KIAA1217: variants seen among roughly 807,000 people sequenced by gnomAD.
KIAA1217 encodes the protein KIAA1217.
KIAA1217 carries 88 observed loss-of-function variants against 163.9 expected under a neutral mutation model. That is an observed-to-expected ratio of 0.54 (90% confidence interval 0.45 to 0.64). The LOEUF (loss-of-function observed/expected upper bound fraction) is 0.64, where lower values mean the gene tolerates loss of function less well. KIAA1217 is among the 30% of genes least tolerant of loss of function. The pLI is 0.00. For missense variants in KIAA1217, 2,372 were observed against 2,475.0 expected (o/e 0.96, Z 0.88); for synonymous variants, 903 against 923.1 (o/e 0.98, Z 0.39).
chr10:23,754,712 C>G (rs577522364), intron 1 of KIAA1217, among the ~76,000 whole-genome samples: 1 of 152,220 alleles, frequency 6.6e-6, no homozygotes, highest in Non-Finnish European at 1.5e-5. Context: ...CTTTGGGACC[C>G]TTGAATCCTG....
At chr10:24,098,884 T>C (rs2062274704) in intron 2 of KIAA1217, among the ~76,000 whole-genome samples, 1 of 152,086 alleles carries the variant, frequency 6.6e-6, no homozygotes, top group Admixed American at 6.5e-5. Flanking sequence ...CTTGAGAGGC[T>C]GAGACAGAAA....
chr10:23,753,648 C>T (rs183129051), intron 1 of KIAA1217, among the ~76,000 whole-genome samples: 1 of 152,234 alleles, frequency 6.6e-6, no homozygotes. Flanking sequence ...CTTCTAGTTT[C>T]TATTGAATGC....
At chr10:24,156,663 C>T (rs2064889848) in intron 2 of KIAA1217, among the ~76,000 whole-genome samples, 1 of 152,160 alleles carries the variant, frequency 6.6e-6, no homozygotes, top group Non-Finnish European at 1.5e-5. Flanking sequence ...GGCCACTATC[C>T]ACCTTCCCTA....
At chr10:24,503,087 G>T (rs937353536) in intron 9 of KIAA1217, among the ~76,000 whole-genome samples, 3 of 152,174 alleles carry the variant, frequency 2.0e-5, no homozygotes, top group South Asian at 2.1e-4. Context: ...AATCGGTTCT[G>T]CTTCTTCAGC....
intron 1 of KIAA1217, among the ~76,000 whole-genome samples, chr10:23,855,149 G>C (rs1166935117): frequency 4.6e-5 from 7 of 152,226 alleles, no homozygotes; most frequent in African/African-American, 1.4e-4. Context: ...ACAGTGGCTG[G>C]TACCGGTTGT....
At chr10:23,842,880 G>A (rs1014066450) in intron 1 of KIAA1217, among the ~76,000 whole-genome samples, 73 of 152,076 alleles carry the variant, frequency 4.8e-4, no homozygotes, top group African/African-American at 1.7e-3. Context: ...TTCTAAGTTT[G>A]AACACTGATA....
intron 2 of KIAA1217, among the ~76,000 whole-genome samples, chr10:24,266,773 A>C (rs778879307): frequency 6.6e-6 from 1 of 152,194 alleles, no homozygotes; most frequent in Non-Finnish European, 1.5e-5. Context: ...CGAATTTGGG[A>C]GGGGACAAAT....
chr10:24,000,166 C>T (rs1335786770), intron 1 of KIAA1217, among the ~76,000 whole-genome samples: 1 of 152,158 alleles, frequency 6.6e-6, no homozygotes, highest in Non-Finnish European at 1.5e-5. Flanking sequence ...AAATCCAACT[C>T]AGTAAAAGTA....
chr10:24,468,547 A>C lies in KIAA1217; in HGVS notation c.847-4681A>C, dbSNP rs533497785. On this transcript the variant is annotated intron_variant, in intron 5 of 20. Transcript: ENST00000376454. The stretch of plus-strand genomic sequence containing the variant: ...AATTCTGTCACAACCGAATGTTTGT[A>C]TTCAGCGCCACTGTGGATAACTCAG... Among the ~76,000 whole-genome samples the C allele has an allele frequency of 8.5e-5, 13 of 152,348 alleles. No individual in the cohort carries two copies. In the South Asian group the frequency reaches 2.7e-3, roughly 32 times the overall value.
chr10:24,398,873 A>C (rs1014389575), intron 3 of KIAA1217, among the ~76,000 whole-genome samples: 7 of 152,138 alleles, frequency 4.6e-5, no homozygotes, highest in Admixed American at 1.3e-4. Context: ...CCAATTTCTG[A>C]GCTGCCAGTT....
chr10:24,155,960 CAAG>C (rs2064855157), intron 2 of KIAA1217, among the ~76,000 whole-genome samples: 1 of 152,244 alleles, frequency 6.6e-6, no homozygotes, highest in Non-Finnish European at 1.5e-5. Flanking sequence ...ATTCCCTTGA[CAAG>C]AAGTTGTTTT....
chr10:24,002,660 T>A (rs1846799989), intron 1 of KIAA1217, among the ~76,000 whole-genome samples: 1 of 152,104 alleles, frequency 6.6e-6, no homozygotes, highest in African/African-American at 2.4e-5. Flanking sequence ...TTTTTTAAAT[T>A]TTATTTTGGT....
chr10:24,409,997 C>CTTTTTTTTTTTTTTTTTTTT (rs71397947), intron 3 of KIAA1217, among the ~76,000 whole-genome samples: 1 of 123,872 alleles, frequency 8.1e-6, no homozygotes. Context: ...TTTCTTTTTT[C>CTTTTTTTTTTTTTTTTTTTT]TTTTTTTTTT....
intron 3 of KIAA1217, among the ~76,000 whole-genome samples, chr10:24,387,428 C>A (rs2054166114): frequency 6.6e-6 from 1 of 152,154 alleles, no homozygotes; most frequent in South Asian, 2.1e-4. Context: ...CTACTTATGA[C>A]AAACCCACAG....
At chr10:24,321,737 A>C (rs2044186918) in intron 2 of KIAA1217, among the ~76,000 whole-genome samples, 1 of 152,148 alleles carries the variant, frequency 6.6e-6, no homozygotes, top group Non-Finnish European at 1.5e-5. Flanking sequence ...GACAGAAAGT[A>C]GAATGGTGAT....
At chr10:23,705,859 T>C (rs1836852383) in intron 1 of KIAA1217, among the ~76,000 whole-genome samples, 1 of 152,174 alleles carries the variant, frequency 6.6e-6, no homozygotes, top group Non-Finnish European at 1.5e-5. Context: ...GGAAGTAATG[T>C]CATCTTAACA....
intron 2 of KIAA1217, among the ~76,000 whole-genome samples, chr10:24,332,511 G>A (rs145266009): frequency 5.6e-4 from 85 of 152,024 alleles, no homozygotes; most frequent in African/African-American, 1.9e-3. Flanking sequence ...AAGGTAGCAG[G>A]TATTAGCAAT....
chr10:23,714,099 A>G (rs1305675236), intron 1 of KIAA1217, among the ~76,000 whole-genome samples: 1 of 152,098 alleles, frequency 6.6e-6, no homozygotes, highest in Non-Finnish European at 1.5e-5. Context: ...TCAGGATCTG[A>G]ACATATCCTA....
chr10:24,410,412 A>G (rs2057665381), intron 3 of KIAA1217, among the ~76,000 whole-genome samples: 1 of 152,230 alleles, frequency 6.6e-6, no homozygotes, highest in Non-Finnish European at 1.5e-5. Context: ...CCAAGGTCAC[A>G]CACATTTTTC....
Sources: allele counts gnomAD v4.1 joint callset (sites outside exome capture counted in the v4.1 genomes callset), GRCh38; gene constraint gnomAD v4.1.1; transcripts MANE v1.5; gene names NCBI Gene and HGNC (gene_info 2026-07-23, HGNC 2026-07-21).